CCDC85C: variants seen among roughly 807,000 people sequenced by gnomAD.
CCDC85C encodes the protein coiled-coil domain-containing protein 85C.
In CCDC85C, 18 loss-of-function variants were observed where a neutral mutation model predicts 38.3. The observed-to-expected ratio is 0.47, with a 90% confidence interval of 0.33 to 0.70. The LOEUF is 0.70. Among genes scored for constraint, CCDC85C ranks in the 30% least tolerant of loss-of-function variants. The pLI is 0.03. For synonymous variants in CCDC85C, 264 were observed against 293.8 expected (o/e 0.90, Z 1.04); for missense variants, 566 against 621.2 (o/e 0.91, Z 0.94).
At chr14:99,534,727 C>A (rs1389262607) in intron 2 of CCDC85C, 2 of 702,242 alleles carry the variant, frequency 2.8e-6, no homozygotes, top group Non-Finnish European at 5.2e-6. Context: ...AGGCTGGCGT[C>A]TAGGGAGCCC....
chr14:99,561,596 G>C (rs1254822832), intron 1 of CCDC85C, among the ~76,000 whole-genome samples: 3 of 152,190 alleles, frequency 2.0e-5, no homozygotes, highest in Non-Finnish European at 4.4e-5. Context: ...TCCTGGCTCA[G>C]ACCTTGCAGG....
At chr14:99,571,605 A>G (rs1403135852) in intron 1 of CCDC85C, among the ~76,000 whole-genome samples, 1 of 152,226 alleles carries the variant, frequency 6.6e-6, no homozygotes, top group Non-Finnish European at 1.5e-5. Flanking sequence ...AAACACAGTC[A>G]TGGATGTTAA....
rs1896862021 is a variant in CCDC85C, at chr14:99,502,619, C to T, written c.*12627G>A. 1 of 1,260,604 alleles carries T rather than the reference C, an allele frequency of 7.9e-7. No homozygotes were observed. The highest frequency in any genetic ancestry group is 1.5e-5 in the African/African-American group (1 of 67,048). The allele number at this position is 1,260,604 out of a possible 1,614,324, so 78.1% of individuals were successfully genotyped here. A position where few individuals can be genotyped will look rare whatever the true frequency, so the allele number is the denominator to read the frequency against. The stretch of plus-strand genomic sequence containing the variant: ...GGGTGAGTTGTAAATGTGATTCATG[C>T]TTAGGTCCTCGTAGGGGTATCATAA... On this transcript the variant is annotated 3_prime_UTR_variant, in exon 6 of 6. Coordinates refer to ENST00000380243, the MANE Select transcript of CCDC85C (RefSeq NM_001144995.2).
At chr14:99,566,127 C>T (rs1188298403) in intron 1 of CCDC85C, among the ~76,000 whole-genome samples, 2 of 152,220 alleles carry the variant, frequency 1.3e-5, no homozygotes, top group African/African-American at 4.8e-5. Context: ...CTGTGCTCTC[C>T]CAGCCCTACG....
At chr14:99,599,663 G>C (rs1168697450) in intron 1 of CCDC85C, among the ~76,000 whole-genome samples, 2 of 152,150 alleles carry the variant, frequency 1.3e-5, no homozygotes, top group African/African-American at 4.8e-5. Context: ...GCCAAGGCAG[G>C]AGGACTGCTT....
At position 99,515,029 on chromosome 14, in the gene CCDC85C, C is replaced by A; in HGVS notation, c.*217G>T. ...TGCTGCAGGAACAGTCGCAGCGTCTCGTCTTCCCAGGTTGCTGGTGTATGA... is the reference window on the plus strand; with the variant it reads ...TGCTGCAGGAACAGTCGCAGCGTCTAGTCTTCCCAGGTTGCTGGTGTATGA... On this transcript the variant is annotated 3_prime_UTR_variant, in exon 6 of 6. Transcript: ENST00000380243. 1 of 515,822 alleles carries A rather than the reference C, an allele frequency of 1.9e-6. No homozygotes were observed. The highest frequency in any genetic ancestry group is 2.3e-5 in the South Asian group (1 of 44,346). The allele number at this position is 515,822 out of a possible 1,614,324, so 32.0% of individuals were successfully genotyped here.
chr14:99,566,477 TCCTCC>T, intron 1 of CCDC85C, among the ~76,000 whole-genome samples: 1 of 152,022 alleles, frequency 6.6e-6, no homozygotes, highest in Non-Finnish European at 1.5e-5. Flanking sequence ...CTCCCACCTC[TCCTCC>T]CCTCCCCTCC....
chr14:99,538,560 A>G (rs1243259345), intron 1 of CCDC85C, among the ~76,000 whole-genome samples: 1 of 152,088 alleles, frequency 6.6e-6, no homozygotes, highest in African/African-American at 2.4e-5. Context: ...CTGCCACAGA[A>G]CCATTCAGGA....
rs149683930 is a variant in CCDC85C at position 99,567,813 on chromosome 14, G to A, written c.794-31725C>T. Among the ~76,000 whole-genome samples the A allele has an allele frequency of 7.9e-3, 1,207 of 152,270 alleles. 16 individuals are homozygous for A. Among genetic ancestry groups the A allele is most frequent in the African/African-American group, 0.028 (1,143 of 41,538 alleles). ...GCACTCCAGCCTGGGCAACAAGAGC[G>A]AAACTCTGTCTCAAAACAAAACAAA... On this transcript the variant is annotated intron_variant, in intron 1 of 5. Transcript: ENST00000380243.
intron 1 of CCDC85C, among the ~76,000 whole-genome samples, chr14:99,566,002 C>T (rs995098353): frequency 2.0e-5 from 3 of 152,190 alleles, no homozygotes; most frequent in African/African-American, 7.2e-5. Context: ...AACGCAGCGC[C>T]GAAATGTCCT....
intron 1 of CCDC85C, among the ~76,000 whole-genome samples, chr14:99,601,393 T>G (rs2055197066): frequency 1.3e-5 from 2 of 152,112 alleles, no homozygotes; most frequent in African/African-American, 4.8e-5. Context: ...GCAGCTGACA[T>G]GCTGAGCCAG....
At chr14:99,595,901 GC>G (rs2055137854) in intron 1 of CCDC85C, among the ~76,000 whole-genome samples, 1 of 152,216 alleles carries the variant, frequency 6.6e-6, no homozygotes, top group African/African-American at 2.4e-5. Context: ...TCAGCACAGT[GC>G]CAGGCACACG....
intron 1 of CCDC85C, among the ~76,000 whole-genome samples, chr14:99,559,456 G>C (rs1164130932): frequency 1.3e-5 from 2 of 150,396 alleles, no homozygotes; most frequent in South Asian, 4.2e-4. Context: ...CATCACTGAC[G>C]AGAGAAGGCT....
In CCDC85C at chr14:99,516,272, G is replaced by T. The variant is rs543582550; in HGVS notation, c.1086C>A (p.His362Gln). The change falls in exon 5 of 6, where the codon CAC becomes CAA. Residue 362 changes from histidine to glutamine, a missense_variant. Transcript: ENST00000380243. The surrounding 1 kb of genome is among the most constrained non-coding windows in gnomAD (Gnocchi z 5.5). ...CCTGGAGCTGCCGGTCCAGATTCTCGTGTACCTCCAGGACCTGAAGGGAAC... is the reference window on the plus strand; with the variant it reads ...CCTGGAGCTGCCGGTCCAGATTCTCTTGTACCTCCAGGACCTGAAGGGAAC... ...VVHAMKVLEVHENLDRQLQDS... is the reference protein window; with the variant it reads ...VVHAMKVLEVQENLDRQLQDS... 265 of 1,550,990 alleles carry T rather than the reference G, an allele frequency of 1.7e-4. 2 individuals are homozygous for T. In the East Asian group the frequency reaches 6.4e-3, roughly 37 times the overall value.
intron 3 of CCDC85C, among the ~76,000 whole-genome samples, chr14:99,518,133 G>C (rs1169711576): frequency 6.6e-6 from 1 of 152,124 alleles, no homozygotes; most frequent in African/African-American, 2.4e-5. Context: ...AGCTGGGCTG[G>C]AATCCCACCC....
chr14:99,568,246 C>CTTTTTTTTTTTTT lies in CCDC85C; in HGVS notation c.794-32159_794-32158insAAAAAAAAAAAAA, dbSNP rs776784723. 3.1e-4 allele frequency among the ~76,000 whole-genome samples: 35 copies of CTTTTTTTTTTTTT among 114,492 alleles called. 8 individuals carry two copies. The highest frequency in any genetic ancestry group is 4.2e-4 in the African/African-American group (11 of 26,400). 75.1% of individuals were successfully genotyped at this position (114,492 alleles called of 152,430 possible). On this transcript the variant is annotated intron_variant, in intron 1 of 5. Coordinates refer to ENST00000380243, the MANE Select transcript of CCDC85C (RefSeq NM_001144995.2). ...AGACACTCTCTGGAGGCCACCTGCC[C>CTTTTTTTTTTTTT]TTTATTTTTTTTTTTTTTTTTTTTG... is the stretch of plus-strand genomic sequence containing the variant.
chr14:99,582,882 C>A (rs982298835), intron 1 of CCDC85C: 1 of 152,114 alleles, frequency 6.6e-6, no homozygotes, highest in African/African-American at 2.4e-5. Context: ...TAATTGATAC[C>A]AATCAATACA....
Position 99,514,882 on chromosome 14 carries a change from C to T in CCDC85C, c.*364G>A, listed in dbSNP as rs562163748. The T allele has an allele frequency of 5.4e-6, 1 of 184,762 alleles. No homozygotes were observed. Among genetic ancestry groups the T allele is most frequent in the Non-Finnish European group, 1.1e-5 (1 of 87,216 alleles). The allele number at this position is 184,762 out of a possible 1,614,324, so 11.4% of individuals were successfully genotyped here. ...GGAGTAGAGGGTTTGATGAGTGGCC[C>T]CTCCATCCCAGGCAGGACAGAGGAG... On this transcript the variant is annotated 3_prime_UTR_variant, in exon 6 of 6. Coordinates refer to ENST00000380243, the MANE Select transcript of CCDC85C (RefSeq NM_001144995.2).
In CCDC85C at chr14:99,543,567, G is replaced by A. The variant is rs1046575798; in HGVS notation, c.794-7479C>T. ...CTCCTTCCTGAAGGAGGTGACACTC[G>A]AGCTGAGCACTGAAGAGCAAGCAGG... is the stretch of plus-strand genomic sequence containing the variant. On this transcript the variant is annotated intron_variant, in intron 1 of 5. Transcript: ENST00000380243. 2.0e-5 allele frequency among the ~76,000 whole-genome samples: 3 copies of A among 152,104 alleles called. 1 individual carries two copies. Among genetic ancestry groups the A allele is most frequent in the South Asian group, 4.1e-4 (2 of 4,822 alleles).
Sources: allele counts gnomAD v4.1 joint callset (sites outside exome capture counted in the v4.1 genomes callset), GRCh38; gene constraint gnomAD v4.1.1; non-coding constraint Gnocchi (gnomAD v3.1); transcripts MANE v1.5; gene names NCBI Gene and HGNC (gene_info 2026-07-23, HGNC 2026-07-21).